COL22A1: variants seen among roughly 807,000 people sequenced by gnomAD.
The protein encoded by COL22A1 is collagen type XXII alpha 1 chain, also known as collagen alpha-1(XXII) chain.
A neutral mutation model predicts 248.9 loss-of-function variants in COL22A1; 221 were observed. The ratio of observed to expected loss-of-function variants is 0.89; its 90% CI spans 0.80 to 0.99. The LOEUF (loss-of-function observed/expected upper bound fraction) is 0.99, where lower values mean the gene tolerates loss of function less well. Among genes scored for constraint, COL22A1 ranks in the 50% least tolerant of loss-of-function variants. COL22A1 has a pLI of 0.00. For missense variants in COL22A1, 2,240 were observed against 2,179.0 expected (o/e 1.03, Z -0.56); for synonymous variants, 891 against 793.4 (o/e 1.12, Z -2.07).
intron 22 of COL22A1, among the ~76,000 whole-genome samples, chr8:138,741,153 CCTCT>C (rs1415899427): frequency 1.3e-5 from 2 of 152,212 alleles, no homozygotes; most frequent in Non-Finnish European, 2.9e-5. Context: ...CATTCTGCTC[CCTCT>C]GTCTGTAATC....
At chr8:138,755,896 C>T (rs1234344208) in intron 18 of COL22A1, 67 bp from the exon 19 acceptor site, 1 of 1,408,334 alleles carries the variant, frequency 7.1e-7, no homozygotes, top group Non-Finnish European at 1.0e-6. Context: ...TCCCATCCCT[C>T]TGAGGCTTAT....
At chr8:138,704,273 G>A (rs1828220511) in intron 30 of COL22A1, among the ~76,000 whole-genome samples, 1 of 152,228 alleles carries the variant, frequency 6.6e-6, no homozygotes, top group East Asian at 1.9e-4. Flanking sequence ...TTTGAAGAGA[G>A]TAGTGGTTCT....
At chr8:138,864,597 C>T (rs1014968914) in intron 3 of COL22A1, among the ~76,000 whole-genome samples, 4 of 152,182 alleles carry the variant, frequency 2.6e-5, no homozygotes, top group Non-Finnish European at 4.4e-5. Flanking sequence ...AAAATTTGAT[C>T]TACAAGATAT....
At chr8:138,689,114 T>C in intron 36 of COL22A1, 144 bp from the exon 37 acceptor site, 2 of 587,358 alleles carry the variant, frequency 3.4e-6, no homozygotes, top group Admixed American at 2.6e-5. Context: ...TTATTTAAAT[T>C]CCCCAAAGCT....
At chr8:138,783,103 C>G (rs1815176007) in intron 12 of COL22A1, among the ~76,000 whole-genome samples, 1 of 152,014 alleles carries the variant, frequency 6.6e-6, no homozygotes, top group African/African-American at 2.4e-5. Flanking sequence ...GAGGGGATGT[C>G]TCCAGCAAGG....
intron 10 of COL22A1, among the ~76,000 whole-genome samples, chr8:138,807,003 A>T (rs1400396495): frequency 6.6e-6 from 1 of 152,188 alleles, no homozygotes; most frequent in Non-Finnish European, 1.5e-5. Context: ...TTCACTAATG[A>T]TGCACTGAAT....
chr8:138,598,983 G>A, intron 60 of COL22A1, 85 bp from the exon 61 acceptor site: 1 of 1,402,634 alleles, frequency 7.1e-7, no homozygotes, highest in Non-Finnish European at 9.9e-7. Context: ...CCCCCAGTCT[G>A]CCTCTTAGAT....
intron 15 of COL22A1, 79 bp from the exon 16 acceptor site, chr8:138,776,089 A>C: frequency 6.9e-7 from 1 of 1,443,144 alleles, no homozygotes; most frequent in Non-Finnish European, 9.8e-7. Flanking sequence ...TCCATGGAGA[A>C]ACTGCCTGGC....
Position 138,776,023 on chromosome 8 carries a change from G to C in COL22A1, c.1759-13C>G, listed in dbSNP as rs1204918632. The C allele has an allele frequency of 1.9e-6, 3 of 1,614,010 alleles. No homozygotes were observed. The highest frequency in any genetic ancestry group is 2.5e-6 in the Non-Finnish European group (3 of 1,179,844). On this transcript the variant is annotated splice_polypyrimidine_tract_variant and intron_variant, in intron 15 of 64. Coordinates refer to ENST00000303045, the MANE Select transcript of COL22A1 (RefSeq NM_152888.3). The stretch of plus-strand genomic sequence containing the variant: ...CTCCTTGGAGACCCTGGGGGACAAA[G>C]AAAGAGCAGTGACCCAACATCTTAA...
At chr8:138,710,879 C>T (rs148800723) in intron 30 of COL22A1, among the ~76,000 whole-genome samples, 1 of 152,242 alleles carries the variant, frequency 6.6e-6, no homozygotes, top group Non-Finnish European at 1.5e-5. Flanking sequence ...TCATCTAAAC[C>T]AATTTACTCT....
At chr8:138,592,716 C>T (rs2131778765) in intron 63 of COL22A1, among the ~76,000 whole-genome samples, 1 of 146,306 alleles carries the variant, frequency 6.8e-6, no homozygotes, top group East Asian at 1.9e-4. Flanking sequence ...CCTTTCCCTG[C>T]CCCATGCTTA....
intron 23 of COL22A1, among the ~76,000 whole-genome samples, chr8:138,728,164 C>G (rs916829301): frequency 6.6e-5 from 10 of 152,148 alleles, no homozygotes; most frequent in Non-Finnish European, 1.3e-4. Flanking sequence ...TCCTGAGTAG[C>G]TGAGACTACA....
At chr8:138,752,337 C>T (rs1832673591) in intron 21 of COL22A1, among the ~76,000 whole-genome samples, 1 of 152,174 alleles carries the variant, frequency 6.6e-6, no homozygotes, top group African/African-American at 2.4e-5. Context: ...TCCACATCTT[C>T]GATAAATATT....
chr8:138,624,855 TA>T (rs1274127175), intron 51 of COL22A1, among the ~76,000 whole-genome samples: 1 of 152,220 alleles, frequency 6.6e-6, no homozygotes, highest in African/African-American at 2.4e-5. Context: ...GAAAAAGCTC[TA>T]AGAAGCAATT....
chr8:138,628,201 CCAAA>C (rs1186649408), intron 50 of COL22A1, among the ~76,000 whole-genome samples: 2 of 152,152 alleles, frequency 1.3e-5, no homozygotes, highest in Non-Finnish European at 2.9e-5. Context: ...AAAAAGCCTG[CCAAA>C]CAGTTTGTCT....
At chr8:138,787,805 G>A (rs1815671682) in intron 12 of COL22A1, among the ~76,000 whole-genome samples, 2 of 152,058 alleles carry the variant, frequency 1.3e-5, no homozygotes, top group African/African-American at 4.8e-5. Context: ...CTTCCTCCAT[G>A]ATCTCATTTG....
At chr8:138,815,543 G>A (rs1818609470) in intron 7 of COL22A1, among the ~76,000 whole-genome samples, 1 of 152,160 alleles carries the variant, frequency 6.6e-6, no homozygotes, top group African/African-American at 2.4e-5. Flanking sequence ...TGGCTCCTCA[G>A]CCGCCTGTCC....
chr8:138,642,799 G>A (rs1490806566), intron 47 of COL22A1, among the ~76,000 whole-genome samples: 1 of 152,192 alleles, frequency 6.6e-6, no homozygotes, highest in East Asian at 1.9e-4. Flanking sequence ...GGGAAGCCAA[G>A]GCAGGCAGAT....
intron 12 of COL22A1, 78 bp downstream of exon 12, chr8:138,796,741 C>T (rs2131605052): frequency 1.0e-6 from 1 of 970,504 alleles, no homozygotes; most frequent in Non-Finnish European, 1.7e-6. Flanking sequence ...GGCAACATAA[C>T]AGTAGCACAC....
Sources: allele counts gnomAD v4.1 joint callset (sites outside exome capture counted in the v4.1 genomes callset), GRCh38; gene constraint gnomAD v4.1.1; transcripts MANE v1.5; gene names NCBI Gene and HGNC (gene_info 2026-07-23, HGNC 2026-07-21).